The following ENOX1 variants were observed in gnomAD, a reference collection of about 807,000 sequenced individuals.
ENOX1 encodes the protein candidate growth-related and time keeping constitutive hydroquinone (NADH) oxidase.
ENOX1 carries 42 observed loss-of-function variants against 82.5 expected under a neutral mutation model. The observed-to-expected ratio is 0.51, with a 90% confidence interval of 0.40 to 0.66. The LOEUF (loss-of-function observed/expected upper bound fraction) is 0.66. ENOX1 is among the 30% of genes least tolerant of loss of function. The pLI, the probability that ENOX1 is intolerant of heterozygous loss-of-function variation, is 0.00. For synonymous variants in ENOX1, 271 were observed against 282.2 expected (o/e 0.96, Z 0.40); for missense variants, 608 against 811.6 (o/e 0.75, Z 3.05).
At chr13:43,632,108 G>C (rs2083240938) in intron 2 of ENOX1, among the ~76,000 whole-genome samples, 1 of 151,978 alleles carries the variant, frequency 6.6e-6, no homozygotes, top group Non-Finnish European at 1.5e-5. Flanking sequence ...TGAGATGTTA[G>C]GTTTTTTTCT....
At chr13:43,649,395 G>A (rs185698955) in intron 2 of ENOX1, among the ~76,000 whole-genome samples, 174 of 152,280 alleles carry the variant, frequency 1.1e-3, no homozygotes, top group Non-Finnish European at 2.0e-3. Flanking sequence ...TGTGTGAGAA[G>A]GGGCTAAGCT....
At chr13:43,417,228 C>T (rs1212185098) in intron 3 of ENOX1, among the ~76,000 whole-genome samples, 9 of 24,850 alleles carry the variant, frequency 3.6e-4, no homozygotes, top group African/African-American at 4.5e-4. Flanking sequence ...AGACGGGAGA[C>T]GGGAGACGGG....
chr13:43,731,647 A>G (rs1318284747), intron 1 of ENOX1, among the ~76,000 whole-genome samples: 1 of 152,182 alleles, frequency 6.6e-6, no homozygotes, highest in Non-Finnish European at 1.5e-5. Flanking sequence ...TTTGGCTCAG[A>G]ATAACCAACA....
intron 16 of ENOX1, 131 bp downstream of exon 16, chr13:43,223,922 C>A: frequency 1.6e-6 from 1 of 606,458 alleles, no homozygotes; most frequent in South Asian, 2.4e-5. Flanking sequence ...GAGGTCCTTG[C>A]AAAAGAGAAG....
chr13:43,767,335 A>G (rs1053349087), intron 1 of ENOX1, among the ~76,000 whole-genome samples: 1 of 122,182 alleles, frequency 8.2e-6, no homozygotes. Flanking sequence ...GCACTGTTCA[A>G]TGACATTTTT....
At chr13:43,285,295 A>G (rs927188838) in intron 12 of ENOX1, among the ~76,000 whole-genome samples, 2 of 152,128 alleles carry the variant, frequency 1.3e-5, no homozygotes, top group African/African-American at 4.8e-5. Context: ...TTAACACTCT[A>G]TGTTTATATA....
At chr13:43,466,553 A>G (rs960119618) in intron 3 of ENOX1, among the ~76,000 whole-genome samples, 3 of 152,200 alleles carry the variant, frequency 2.0e-5, no homozygotes, top group Non-Finnish European at 4.4e-5. Flanking sequence ...TATTTTGTAT[A>G]AAAAATCCCA....
intron 1 of ENOX1, among the ~76,000 whole-genome samples, chr13:43,719,512 G>T (rs1432383350): frequency 1.3e-5 from 2 of 152,070 alleles, no homozygotes; most frequent in African/African-American, 2.4e-5. Context: ...CAATGCTGTG[G>T]CTGGAAAGAT....
At chr13:43,538,245 C>A (rs2153692364) in intron 2 of ENOX1, among the ~76,000 whole-genome samples, 1 of 152,252 alleles carries the variant, frequency 6.6e-6, no homozygotes, top group South Asian at 2.1e-4. Context: ...TTTATTTCAT[C>A]ATTTTTTAAA....
intron 15 of ENOX1, among the ~76,000 whole-genome samples, chr13:43,230,716 C>G (rs550584691): frequency 3.9e-5 from 6 of 152,154 alleles, no homozygotes; most frequent in Non-Finnish European, 7.4e-5. Flanking sequence ...ACCACTCCCC[C>G]TCCCCCACCG....
chr13:43,724,813 C>T (rs1422792889), intron 1 of ENOX1, among the ~76,000 whole-genome samples: 8 of 152,174 alleles, frequency 5.3e-5, no homozygotes, highest in African/African-American at 1.9e-4. Flanking sequence ...TCCCTTTCTC[C>T]AGTTCTCTCT....
At chr13:43,775,240 C>T (rs1229883440) in intron 1 of ENOX1, among the ~76,000 whole-genome samples, 1 of 152,078 alleles carries the variant, frequency 6.6e-6, no homozygotes, top group Non-Finnish European at 1.5e-5. Flanking sequence ...TCTCAAACTC[C>T]TCTGTGTTCA....
intron 2 of ENOX1, among the ~76,000 whole-genome samples, chr13:43,568,237 G>C (rs1342893615): frequency 6.6e-6 from 1 of 152,164 alleles, no homozygotes; most frequent in South Asian, 2.1e-4. Flanking sequence ...GCCTGAAAAG[G>C]CTAATCCAGA....
chr13:43,301,405 A>C (rs1418226847), intron 11 of ENOX1, among the ~76,000 whole-genome samples: 1 of 152,172 alleles, frequency 6.6e-6, no homozygotes, highest in Non-Finnish European at 1.5e-5. Context: ...TGTACCATCC[A>C]TTATTTTAGG....
At position 43,594,648 on chromosome 13, in the gene ENOX1, A is replaced by G. The variant is rs537647446; in HGVS notation, c.-219+72831T>C. On this transcript the variant is annotated intron_variant, in intron 2 of 16. Transcript: ENST00000690772. ...ACAACAACCCTGGGAAAGAGGTATT[A>G]TTATCTCCATTTTGTAAGTGAAAGA... Among the ~76,000 whole-genome samples, 4 of 152,302 alleles carry G rather than the reference A, an allele frequency of 2.6e-5. No individual in the cohort carries two copies. The South Asian group carries it at 8.3e-4, about 32-fold the overall frequency.
intron 2 of ENOX1, among the ~76,000 whole-genome samples, chr13:43,556,692 T>C (rs925248557): frequency 1.3e-5 from 2 of 149,606 alleles, no homozygotes; most frequent in Non-Finnish European, 3.0e-5. Flanking sequence ...ATGATAATTA[T>C]ATCAAAGAAA....
intron 1 of ENOX1, among the ~76,000 whole-genome samples, chr13:43,693,021 T>A (rs1311231455): frequency 6.6e-6 from 1 of 151,426 alleles, no homozygotes. Context: ...GCTACACCTA[T>A]GTTATAAATT....
At chr13:43,275,438 G>A (rs1290021216) in intron 12 of ENOX1, among the ~76,000 whole-genome samples, 1 of 152,158 alleles carries the variant, frequency 6.6e-6, no homozygotes, top group African/African-American at 2.4e-5. Flanking sequence ...ATTAATTCAG[G>A]AATCTTTGGC....
chr13:43,523,248 G>T (rs992984658), intron 2 of ENOX1, among the ~76,000 whole-genome samples: 6 of 152,094 alleles, frequency 3.9e-5, no homozygotes, highest in Non-Finnish European at 1.5e-5. Context: ...CCCAGATGAG[G>T]TTTCCAAGAA....
Sources: gnomAD v4.1 joint callset for allele counts (sites outside exome capture counted in the v4.1 genomes callset) on GRCh38, gnomAD v4.1.1 for gene constraint, MANE v1.5 for transcripts, NCBI Gene and HGNC (gene_info 2026-07-23, HGNC 2026-07-21) for gene names.